Variants in HERC6 observed in about 807,000 individuals in gnomAD.
HERC6 encodes the protein probable E3 ubiquitin-protein ligase HERC6.
A neutral mutation model predicts 114.5 loss-of-function variants in HERC6; 101 were observed. The ratio of observed to expected loss-of-function variants is 0.88; its 90% confidence interval spans 0.75 to 1.04. The LOEUF is 1.04. Ranked by LOEUF, HERC6 falls within the 50% of genes least tolerant of loss-of-function variation. HERC6 has a pLI of 0.00. For synonymous variants in HERC6, 408 were observed against 436.2 expected (o/e 0.94, Z 0.81); for missense variants, 1,133 against 1,230.9 (o/e 0.92, Z 1.19).
chr4:88,430,301 G>A (rs1578422362), intron 16 of HERC6, among the ~76,000 whole-genome samples: 1 of 152,214 alleles, frequency 6.6e-6, no homozygotes, highest in Middle Eastern at 3.4e-3. Context: ...TTTAAAAAGA[G>A]GGACTGGGGC....
intron 13 of HERC6, among the ~76,000 whole-genome samples, chr4:88,420,486 G>T (rs1057127751): frequency 6.6e-6 from 1 of 152,186 alleles, no homozygotes; most frequent in Non-Finnish European, 1.5e-5. Flanking sequence ...GTCTGATCAT[G>T]ACATAGCTCT....
chr4:88,387,984 C>T (rs1477871219), intron 3 of HERC6, among the ~76,000 whole-genome samples: 5 of 152,112 alleles, frequency 3.3e-5, no homozygotes, highest in East Asian at 3.8e-4. Flanking sequence ...GAGAGTTTAA[C>T]GTTTTGCATT....
intron 8 of HERC6, chr4:88,398,563 G>GA (rs1336174673): frequency 2.4e-5 from 4 of 165,938 alleles, no homozygotes; most frequent in African/African-American, 9.6e-5. Context: ...GACTGTGAAG[G>GA]AAGGGTTTCT....
At position 88,427,269 on chromosome 4, in the gene HERC6, GA is replaced by G. The variant is rs1267010103; in HGVS notation, c.1936-1309del. 7.2e-5 allele frequency among the ~76,000 whole-genome samples: 11 copies of G among 152,324 alleles called. No individual in the cohort carries two copies. In the East Asian group the frequency reaches 2.1e-3, roughly 29 times the overall value. On this transcript the variant is annotated intron_variant, in intron 15 of 22. Transcript: ENST00000264346. ...CCAATATACAGAGAACCGGAGTAGA[GA>G]AGCTAGAAATTAAGCTAAGAGGCAG...
intron 1 of HERC6, among the ~76,000 whole-genome samples, chr4:88,380,574 G>C (rs548247981): frequency 6.8e-6 from 1 of 147,240 alleles, no homozygotes; most frequent in Non-Finnish European, 1.5e-5. Flanking sequence ...AAAATAAACT[G>C]GGCGTGGTGG....
chr4:88,417,387 G>A, intron 12 of HERC6, 38 bp from the exon 13 acceptor site: 2 of 1,584,412 alleles, frequency 1.3e-6, no homozygotes, highest in East Asian at 2.3e-5. Context: ...GGGGTGGTAG[G>A]AAAAACATAT....
At chr4:88,441,121 C>T (rs1238196534) in intron 22 of HERC6, among the ~76,000 whole-genome samples, 1 of 152,108 alleles carries the variant, frequency 6.6e-6, no homozygotes, top group African/African-American at 2.4e-5. Flanking sequence ...CCTCTTTCCT[C>T]ACTTCAGCTG....
Position 88,380,258 on chromosome 4 carries a change from A to C in HERC6, c.199+1138A>C, listed in dbSNP as rs190160609. Among the ~76,000 whole-genome samples, 2 of 23,314 alleles carry C rather than the reference A, an allele frequency of 8.6e-5. 1 individual carries two copies. The highest frequency in any genetic ancestry group is 2.1e-3 in the South Asian group (2 of 958). 15.3% of individuals were successfully genotyped at this position (23,314 alleles called of 152,430 possible). ...AAATATATATAATATATAAATATAT[A>C]ATATATAAATATATATAATATATAA... is the stretch of plus-strand genomic sequence containing the variant. On this transcript the variant is annotated intron_variant, in intron 1 of 22. Coordinates refer to ENST00000264346, the MANE Select transcript of HERC6 (RefSeq NM_017912.4).
At position 88,439,851 on chromosome 4, in the gene HERC6, T is replaced by C; in HGVS notation, c.2556-23T>C. On this transcript the variant is annotated intron_variant, in intron 20 of 22. Coordinates refer to ENST00000264346, the MANE Select transcript of HERC6 (RefSeq NM_017912.4). Reference sequence around the variant, plus strand: ...GCCTTTTCCTTCCTTTCTTTTTTTTTTTTTTTTTTTGCTTCCCTCAAGGAG... The same window carrying C: ...GCCTTTTCCTTCCTTTCTTTTTTTTCTTTTTTTTTTGCTTCCCTCAAGGAG... 3.0e-6 allele frequency: 4 copies of C among 1,342,594 alleles called. No individual in the cohort carries two copies. In the African/African-American group the frequency reaches 4.5e-5, roughly 15 times the overall value. The allele number at this position is 1,342,594 out of a possible 1,614,324, so 83.2% of individuals were successfully genotyped here. A position where few individuals can be genotyped will look rare whatever the true frequency, so the allele number is the denominator to read the frequency against.
intron 12 of HERC6, among the ~76,000 whole-genome samples, chr4:88,413,951 G>A (rs1371160795): frequency 2.0e-5 from 3 of 152,172 alleles, no homozygotes; most frequent in African/African-American, 7.2e-5. Flanking sequence ...ACATCTAGGT[G>A]TGGTTACATT....
intron 7 of HERC6, 93 bp downstream of exon 7, chr4:88,397,080 G>A (rs767303958): frequency 2.4e-5 from 26 of 1,068,198 alleles, no homozygotes; most frequent in Middle Eastern, 2.2e-4. Context: ...CTACAGAACT[G>A]TAGTTCCCCT....
chr4:88,429,362 T>C lies in HERC6; in HGVS notation c.2106+612T>C, dbSNP rs555526385. Among the ~76,000 whole-genome samples, 85 of 152,296 alleles carry C rather than the reference T, an allele frequency of 5.6e-4. 1 individual carries two copies. Among genetic ancestry groups the C allele is most frequent in the South Asian group, 3.7e-3 (18 of 4,826 alleles). Reference sequence around the variant, plus strand: ...ACTGCAAAGTCATATGCAAAAGACATGGATCACAGAGGGGTGAAGAATTGG... The same window carrying C: ...ACTGCAAAGTCATATGCAAAAGACACGGATCACAGAGGGGTGAAGAATTGG... On this transcript the variant is annotated intron_variant, in intron 16 of 22. Coordinates refer to ENST00000264346, the MANE Select transcript of HERC6 (RefSeq NM_017912.4).
In HERC6 at chr4:88,396,871, T is replaced by G. The variant is rs753358323; in HGVS notation, c.908T>G (p.Val303Gly). The change falls in exon 7 of 23, where the codon GTG becomes GGG. Residue 303 changes from valine (V) to glycine (G), a missense_variant. Physicochemically the swap from Val to Gly is moderately radical, Grantham distance 109 (BLOSUM62 -3). Around this residue, in one of 3 missense-constraint regions of HERC6, gnomAD observed 735 missense variants for 754.0 expected, o/e 0.97. Transcript: ENST00000264346. ...DCGSYHTLAY[V>G]HTTGQVVSFG... The stretch of plus-strand genomic sequence containing the variant: ...TGTAGTTATCACACCCTGGCATATG[T>G]GCACACCACTGGTCAGGTGGTATCT... 6.3e-7 allele frequency: 1 copy of G among 1,595,306 alleles called. No individual in the cohort carries two copies. The highest frequency in any genetic ancestry group is 8.6e-7 in the Non-Finnish European group (1 of 1,169,070).
intron 5 of HERC6, among the ~76,000 whole-genome samples, chr4:88,394,970 T>G (rs1735151587): frequency 6.6e-6 from 1 of 152,246 alleles, no homozygotes; most frequent in Non-Finnish European, 1.5e-5. Flanking sequence ...TTTCATTTCT[T>G]GCTTGGCATA....
intron 3 of HERC6, among the ~76,000 whole-genome samples, chr4:88,386,872 C>T (rs752397313): frequency 6.6e-6 from 1 of 152,184 alleles, no homozygotes; most frequent in Non-Finnish European, 1.5e-5. Context: ...TCTTAATTCT[C>T]AATTGCCTTC....
At chr4:88,442,133 C>T in intron 22 of HERC6, 101 bp from the exon 23 acceptor site, 1 of 827,376 alleles carries the variant, frequency 1.2e-6, no homozygotes, top group Non-Finnish European at 2.0e-6. Context: ...TGCCTAAGGA[C>T]ATTCAATAAA....
At chr4:88,385,656 C>A in intron 3 of HERC6, 81 bp downstream of exon 3, 1 of 674,900 alleles carries the variant, frequency 1.5e-6, no homozygotes, top group Non-Finnish European at 2.5e-6. Context: ...TTTTAATGCA[C>A]TGGGGTTCAT....
At chr4:88,441,549 C>T (rs1442484392) in intron 22 of HERC6, among the ~76,000 whole-genome samples, 1 of 152,158 alleles carries the variant, frequency 6.6e-6, no homozygotes, top group Non-Finnish European at 1.5e-5. Flanking sequence ...ATAAGAACTT[C>T]TCTTGGTGGG....
chr4:88,389,689 A>G (rs997912265), intron 3 of HERC6, among the ~76,000 whole-genome samples: 5 of 145,986 alleles, frequency 3.4e-5, no homozygotes, highest in African/African-American at 1.3e-4. Flanking sequence ...GCTTGCCTTT[A>G]GTTGGGATAC....
Sources: gnomAD v4.1 joint callset for allele counts (sites outside exome capture counted in the v4.1 genomes callset) on GRCh38, gnomAD v4.1.1 for gene constraint, gnomAD v4.1.1 regional missense constraint, MANE v1.5 for transcripts, NCBI Gene and HGNC (gene_info 2026-07-23, HGNC 2026-07-21) for gene names.